Variants in PKD1 observed in about 807,000 individuals in gnomAD.
PKD1 encodes polycystin 1, transient receptor potential channel interacting.
PKD1 carries 81 observed loss-of-function variants against 361.7 expected under a neutral mutation model. The observed-to-expected ratio is 0.22, with a 90% confidence interval of 0.19 to 0.27. PKD1 has a LOEUF of 0.27. PKD1 is among the 10% of genes least tolerant of loss of function. The pLI is 1.00. For missense variants in PKD1, 6,399 were observed against 6,118.3 expected (o/e 1.05, Z -1.53); for synonymous variants, 3,615 against 2,818.3 (o/e 1.28, Z -8.95).
Position 2,109,756 on chromosome 16 carries a change from C to T in PKD1, c.5411G>A (p.Gly1804Asp). 1 of 1,609,422 alleles carries T rather than the reference C, an allele frequency of 6.2e-7. No individual in the cohort carries two copies. Among genetic ancestry groups the T allele is most frequent in the Non-Finnish European group, 8.5e-7 (1 of 1,179,320 alleles). ...VEVDVQVPVS[G>D]LSIRASEPGG... ...GGGCTCGCTGGCCCTGATGCTGAGG[C>T]CACTCACAGGCACCTGCACATCCAC... The change falls in exon 15 of 46, where the codon GGC (glycine) becomes GAC (aspartate). Residue 1804 changes from glycine (G) to aspartate (D), a missense_variant. Physicochemically the swap from Gly to Asp is moderately conservative, Grantham distance 94 (BLOSUM62 -1). Coordinates refer to ENST00000262304, the MANE Select transcript of PKD1 (RefSeq NM_001009944.3).
intron 1 of PKD1, among the ~76,000 whole-genome samples, chr16:2,129,009 G>A (rs1407618820): frequency 2.0e-5 from 3 of 152,046 alleles, no homozygotes; most frequent in Non-Finnish European, 4.4e-5. Flanking sequence ...GATTACAGGC[G>A]CCCACGACCA....
At chr16:2,125,176 T>C (rs1169106459) in intron 1 of PKD1, among the ~76,000 whole-genome samples, 13 of 152,052 alleles carry the variant, frequency 8.5e-5, no homozygotes, top group Admixed American at 8.5e-4. Flanking sequence ...CTGTTTAAAT[T>C]AACGGGCTGC....
In PKD1 at chr16:2,105,858, C is replaced by T. The variant is rs764336303; in HGVS notation, c.7863+7G>A. On this transcript the variant is annotated splice_region_variant and intron_variant, in intron 20 of 45. Transcript: ENST00000262304. ...AGATGTGACGTCCCCTCCCAGGCTGCACTCACCTCGTTCAGCACGGTGACC... is the reference window on the plus strand; with the variant it reads ...AGATGTGACGTCCCCTCCCAGGCTGTACTCACCTCGTTCAGCACGGTGACC... 4 of 1,595,164 alleles carry T rather than the reference C, an allele frequency of 2.5e-6. No homozygotes were observed. The highest frequency in any genetic ancestry group is 3.4e-6 in the Non-Finnish European group (4 of 1,178,918).
At chr16:2,091,231 AG>A (rs1263823863) in intron 42 of PKD1, 57 bp from the exon 43 acceptor site, 2 of 591,144 alleles carry the variant, frequency 3.4e-6, no homozygotes, top group African/African-American at 2.8e-5. Context: ...GGGCCCTGCG[AG>A]GGGGCGGGAC....
intron 40 of PKD1, 65 bp downstream of exon 40, chr16:2,091,982 C>A (rs2091607576): frequency 6.2e-7 from 1 of 1,612,164 alleles, no homozygotes; most frequent in Admixed American, 1.7e-5. Flanking sequence ...CAGGAGGCCG[C>A]GGCACTCCTG....
At chr16:2,124,175 C>G (rs1382551484) in intron 1 of PKD1, among the ~76,000 whole-genome samples, 1 of 152,342 alleles carries the variant, frequency 6.6e-6, no homozygotes, top group East Asian at 1.9e-4. Context: ...GAGGCTGCCC[C>G]TCCACACCCG....
In PKD1 at chr16:2,109,719, G is replaced by C. The variant is rs769491149; in HGVS notation, c.5448C>G (p.Phe1816Leu). The C allele has an allele frequency of 1.9e-6, 3 of 1,605,500 alleles. No homozygotes were observed. In the African/African-American group the frequency reaches 4.0e-5, roughly 21 times the overall value. Residue 1816 changes from phenylalanine (F) to leucine (L), a missense_variant, in exon 15 of 46, where the codon TTC becomes TTG. By Grantham distance (22) the Phe-to-Leu change is conservative (BLOSUM62 0). Transcript: ENST00000262304. Reference sequence around the variant, plus strand: ...AGGGCACAGAGGACCCGGCCGCCACGAAGCTGCCTCCGGGCTCGCTGGCCC... The same window carrying C: ...AGGGCACAGAGGACCCGGCCGCCACCAAGCTGCCTCCGGGCTCGCTGGCCC... ...SIRASEPGGS[F>L]VAAGSSVPFW...
In PKD1 at chr16:2,109,295, A is replaced by C. The variant is rs1215613927; in HGVS notation, c.5872T>G (p.Trp1958Gly). 2.5e-6 allele frequency: 4 copies of C among 1,584,660 alleles called. No homozygotes were observed. The African/African-American group carries it at 4.0e-5, about 16-fold the overall frequency. ...VSVRGKNHVS[W>G]AQAQVRIVVL... ...ACGATGCGCACCTGCGCCTGGGCCC[A>C]GCTCACGTGGTTTTTGCCCCGCACG... Residue 1958 changes from tryptophan (W) to glycine (G), a missense_variant, in exon 15 of 46, where the codon TGG becomes GGG. Physicochemically the swap from Trp to Gly is radical, Grantham distance 184 (BLOSUM62 -2). Transcript: ENST00000262304.
chr16:2,091,795 G>A lies in PKD1; in HGVS notation c.11523C>T (p.Asn3841=), dbSNP rs113369380. 1.3e-3 allele frequency: 2,014 copies of A among 1,611,036 alleles called. 24 individuals carry two copies. The African/African-American group carries it at 0.023, about 19-fold the overall frequency. The part of the protein sequence containing the change: ...RDRLRFLQLH[N]WLDNRSRAVF... The stretch of plus-strand genomic sequence containing the variant: ...GGAGCTCCCACCTGTTGTCCAGCCA[G>A]TTGTGCAGCTGCAGGAAGCGCAGCC... Residue 3841 remains asparagine (N), a synonymous_variant, in exon 41 of 46, where the codon AAC becomes AAT. Transcript: ENST00000262304.
At position 2,118,127 on chromosome 16, in the gene PKD1, G is replaced by C; in HGVS notation, c.865C>G (p.Leu289Val). Residue 289 changes from leucine (L) to valine (V), a missense_variant, in exon 5 of 46, where the codon CTA becomes GTA. Coordinates refer to ENST00000262304, the MANE Select transcript of PKD1 (RefSeq NM_001009944.3). This position sits in a 1 kb window ranked among gnomAD's most constrained non-coding sequence, Gnocchi z 6.0. ...GGGGCAGCGATGTGGAAGGCTGCTA[G>C]CTGGCCAGAGGCCAGAGGTCCGTGG... ...GPHGPLASGQ[L>V]AAFHIAAPLP... The C allele has an allele frequency of 6.2e-7, 1 of 1,601,180 alleles. No homozygotes were observed. The highest frequency in any genetic ancestry group is 8.5e-7 in the Non-Finnish European group (1 of 1,175,766).
In PKD1 at chr16:2,109,709, C is replaced by G; in HGVS notation, c.5458G>C (p.Gly1820Arg). ...SEPGGSFVAA[G>R]SSVPFWGQLA... ...TGCCCCCAAAAGGGCACAGAGGACC[C>G]GGCCGCCACGAAGCTGCCTCCGGGC... The change falls in exon 15 of 46, where the codon GGG (glycine) becomes CGG (arginine). Residue 1820 changes from glycine (G) to arginine (R), a missense_variant. Physicochemically the swap from Gly to Arg is moderately radical, Grantham distance 125. Transcript: ENST00000262304. 6 of 1,599,024 alleles carry G rather than the reference C, an allele frequency of 3.8e-6. No individual in the cohort carries two copies. The highest frequency in any genetic ancestry group is 4.3e-6 in the Non-Finnish European group (5 of 1,174,374).
intron 34 of PKD1, chr16:2,096,885 C>G: frequency 1.8e-6 from 1 of 555,152 alleles, no homozygotes; most frequent in Non-Finnish European, 3.2e-6. Context: ...AAACGTGGCC[C>G]CGGCCAGCCT....
At position 2,091,536 on chromosome 16, in the gene PKD1, C is replaced by T. The variant is rs1241924891; in HGVS notation, c.11599G>A (p.Val3867Ile). 6 of 1,504,598 alleles carry T rather than the reference C, an allele frequency of 4.0e-6. No individual in the cohort carries two copies. Among genetic ancestry groups the T allele is most frequent in the African/African-American group, 2.9e-5 (2 of 68,906 alleles). The allele number at this position is 1,504,598 out of a possible 1,614,324, so 93.2% of individuals were successfully genotyped here. A position where few individuals can be genotyped will look rare whatever the true frequency, so the allele number is the denominator to read the frequency against. ...GCCGGGAACTCGAGGCGCAGCGTGA[C>T]GGCGGCGTGCAGCCCCACGGCCGGG... ...YSPAVGLHAA[V>I]TLRLEFPAAG... Residue 3867 changes from valine (V) to isoleucine (I), a missense_variant, in exon 42 of 46, where the codon GTC (valine) becomes ATC (isoleucine). Transcript: ENST00000262304.
In PKD1 at chr16:2,090,956, G is replaced by GA. The variant is rs2151686766; in HGVS notation, c.11930dup (p.Asp3978ArgfsTer179). On this transcript the variant is annotated frameshift_variant, in exon 43 of 46. Coordinates refer to ENST00000262304, the MANE Select transcript of PKD1 (RefSeq NM_001009944.3). LOFTEE classifies it high-confidence loss of function. ...CGGAGCTCAGCTGCGCCACCTGGTC[G>GA]AAGCTAGTGAAGCGGCGCGGGCGGC... 6.4e-7 allele frequency: 1 copy of GA among 1,554,538 alleles called. No individual in the cohort carries two copies. The highest frequency in any genetic ancestry group is 8.6e-7 in the Non-Finnish European group (1 of 1,156,570).
Position 2,104,546 on chromosome 16 carries a change from C to A in PKD1, c.8113G>T (p.Gly2705Cys), listed in dbSNP as rs1377226283. 6.3e-7 allele frequency: 1 copy of A among 1,587,852 alleles called. No homozygotes were observed. Among genetic ancestry groups the A allele is most frequent in the South Asian group, 1.1e-5 (1 of 88,188 alleles). The change falls in exon 22 of 46, where the codon GGC (glycine) becomes TGC (cysteine). Residue 2705 changes from glycine (G) to cysteine (C), a missense_variant. Physicochemically the swap from Gly to Cys is radical, Grantham distance 159. Transcript: ENST00000262304. ...MLILQAETTA[G>C]TVTPTAIGDS... ...CCGATGGCGGTGGGCGTCACGGTGCCCGCGGTGGTCTCTGCCTGCAGGATG... is the reference window on the plus strand; with the variant it reads ...CCGATGGCGGTGGGCGTCACGGTGCACGCGGTGGTCTCTGCCTGCAGGATG...
intron 34 of PKD1, among the ~76,000 whole-genome samples, chr16:2,095,677 T>A (rs1331157180): frequency 6.6e-6 from 1 of 152,066 alleles, no homozygotes; most frequent in Admixed American, 6.5e-5. Context: ...CGCAGAGGGG[T>A]CCAGGACAAA....
Position 2,089,756 on chromosome 16 carries a change from T to C in PKD1, c.12883A>G (p.Lys4295Glu), listed in dbSNP as rs747271098. Residue 4295 changes from lysine to glutamate, a missense_variant, in exon 46 of 46, where the codon AAG (lysine) becomes GAG (glutamate). Physicochemically the swap from Lys to Glu is moderately conservative, Grantham distance 56. Coordinates refer to ENST00000262304, the MANE Select transcript of PKD1 (RefSeq NM_001009944.3). The stretch of plus-strand genomic sequence containing the variant: ...GTGCTGCTGGGGTGGACCTTGTTCT[T>C]GGCCCGAAGGGGTGTCCTGCTGGGG... ...TGPSRTPLRAKNKVHPSST is the reference protein window; with the variant it reads ...TGPSRTPLRAENKVHPSST 1.3e-6 allele frequency: 2 copies of C among 1,591,882 alleles called. No homozygotes were observed. The highest frequency in any genetic ancestry group is 1.7e-6 in the Non-Finnish European group (2 of 1,170,928).
At position 2,092,923 on chromosome 16, in the gene PKD1, G is replaced by T. The variant is rs377211385; in HGVS notation, c.11156+31C>A. 26 of 1,612,514 alleles carry T rather than the reference G, an allele frequency of 1.6e-5. No homozygotes were observed. In the South Asian group the frequency reaches 2.7e-4, roughly 17 times the overall value. ...GGACTAAAGGCAAAACTAAAGCCCA[G>T]AAGACAGACCAGTGCACCGGATGCC... On this transcript the variant is annotated intron_variant, in intron 38 of 45. Coordinates refer to ENST00000262304, the MANE Select transcript of PKD1 (RefSeq NM_001009944.3).
Position 2,118,566 on chromosome 16 carries a change from G to T in PKD1, c.530-104C>A. 5 of 984,856 alleles carry T rather than the reference G, an allele frequency of 5.1e-6. No individual in the cohort carries two copies. The highest frequency in any genetic ancestry group is 7.7e-6 in the Non-Finnish European group (5 of 645,762). 61.0% of individuals were successfully genotyped at this position (984,856 alleles called of 1,614,324 possible). ...CACAGGCTCCCATGCTGTTCCCTTG[G>T]CCCGGAGGCCCCCCCCAGAGAGGCC... On this transcript the variant is annotated intron_variant, in intron 4 of 45. Transcript: ENST00000262304. The surrounding 1 kb of genome is among the most constrained non-coding windows in gnomAD (Gnocchi z 6.0).
Sources: allele counts gnomAD v4.1 joint callset (sites outside exome capture counted in the v4.1 genomes callset), GRCh38; gene constraint gnomAD v4.1.1; non-coding constraint Gnocchi (gnomAD v3.1); transcripts MANE v1.5; gene names NCBI Gene and HGNC (gene_info 2026-07-23, HGNC 2026-07-21).